Variants in LRRIQ1 observed in about 807,000 individuals in gnomAD.
LRRIQ1 encodes the protein leucine-rich repeat- and IQ domain-containing protein 1.
In LRRIQ1, 210 loss-of-function variants were observed where a neutral mutation model predicts 211.9. The observed-to-expected ratio is 0.99, with a 90% CI of 0.89 to 1.11. LRRIQ1 has a LOEUF of 1.11. Among genes scored for constraint, LRRIQ1 ranks in the 50% most tolerant of loss-of-function variants. LRRIQ1 has a pLI of 0.00. For missense variants in LRRIQ1, 2,136 were observed against 1,939.5 expected (o/e 1.10, Z -1.90); for synonymous variants, 699 against 650.1 (o/e 1.08, Z -1.14).
intron 24 of LRRIQ1, among the ~76,000 whole-genome samples, chr12:85,220,554 T>G (rs1894349082): frequency 6.6e-6 from 1 of 151,724 alleles, no homozygotes; most frequent in Admixed American, 6.6e-5. Flanking sequence ...ATTGAGTATA[T>G]TTCAAACATT....
chr12:85,063,095 TTA>T lies in LRRIQ1; in HGVS notation c.2392-2163_2392-2162del, dbSNP rs1289719849. ...TTAAGTTCCTTGTAGATGCTGCATA[TTA>T]TATGTTTGTCCGGTGCATAGTCTAC... On this transcript the variant is annotated intron_variant, in intron 8 of 26. Transcript: ENST00000393217. Among the ~76,000 whole-genome samples the T allele has an allele frequency of 2.6e-5, 4 of 151,932 alleles. No homozygotes were observed. The East Asian group carries it at 7.8e-4, about 30-fold the overall frequency.
In LRRIQ1 at chr12:85,055,813, G is replaced by A; in HGVS notation, c.1020G>A (p.Glu340=). 1 of 1,595,032 alleles carries A rather than the reference G, an allele frequency of 6.3e-7. No homozygotes were observed. Among genetic ancestry groups the A allele is most frequent in the Non-Finnish European group, 8.6e-7 (1 of 1,169,190 alleles). The change falls in exon 8 of 27, where the codon GAG becomes GAA. Residue 340 remains glutamate, a synonymous_variant. Transcript: ENST00000393217. ...QKEEENRKRL[E]EEQRIKEERK... The stretch of plus-strand genomic sequence containing the variant: ...AGGAAGAAAATCGAAAAAGATTAGA[G>A]GAGGAACAAAGGATAAAAGAAGAGA...
chr12:85,128,576 G>T (rs1888542957), intron 18 of LRRIQ1, among the ~76,000 whole-genome samples: 1 of 152,086 alleles, frequency 6.6e-6, no homozygotes, highest in Non-Finnish European at 1.5e-5. Context: ...CACTAGCCTG[G>T]ATATAGAGTG....
intron 11 of LRRIQ1, 144 bp downstream of exon 11, chr12:85,073,242 T>C (rs1239445602): frequency 1.1e-5 from 6 of 549,540 alleles, no homozygotes; most frequent in South Asian, 3.0e-5. Context: ...AAATAAGCTT[T>C]ATTTTGCAAA....
At chr12:85,172,460 T>G (rs1256206706) in intron 24 of LRRIQ1, among the ~76,000 whole-genome samples, 2 of 152,190 alleles carry the variant, frequency 1.3e-5, no homozygotes. Context: ...ACTCACTAGC[T>G]AAATACTCCA....
At chr12:85,121,598 C>A in intron 15 of LRRIQ1, 99 bp from the exon 16 acceptor site, 1 of 836,380 alleles carries the variant, frequency 1.2e-6, no homozygotes. Context: ...AGATATATAT[C>A]CTATGCTTGT....
At chr12:85,146,027 C>T (rs938681767) in intron 19 of LRRIQ1, among the ~76,000 whole-genome samples, 33 of 151,706 alleles carry the variant, frequency 2.2e-4, no homozygotes, top group African/African-American at 8.0e-4. Context: ...AGATTTGCCT[C>T]ATGGTTCATG....
At chr12:85,201,885 A>G (rs1421433143) in intron 24 of LRRIQ1, among the ~76,000 whole-genome samples, 2 of 151,928 alleles carry the variant, frequency 1.3e-5, no homozygotes, top group African/African-American at 2.4e-5. Context: ...ATAGGTTGTT[A>G]TAATAATTTC....
intron 26 of LRRIQ1, among the ~76,000 whole-genome samples, chr12:85,237,489 T>C (rs1895244517): frequency 6.6e-6 from 1 of 152,096 alleles, no homozygotes; most frequent in African/African-American, 2.4e-5. Flanking sequence ...TTTGGCCAAG[T>C]ACTAAGCTCT....
chr12:85,162,482 T>A (rs1890937145), intron 24 of LRRIQ1, among the ~76,000 whole-genome samples: 1 of 152,144 alleles, frequency 6.6e-6, no homozygotes, highest in Admixed American at 6.5e-5. Flanking sequence ...AAGCAGGGTG[T>A]TTTTATCCTT....
chr12:85,121,625 G>C, intron 15 of LRRIQ1, 72 bp from the exon 16 acceptor site: 1 of 1,116,486 alleles, frequency 9.0e-7, no homozygotes, highest in African/African-American at 1.6e-5. Flanking sequence ...TAAATGATTA[G>C]TATATGGTTA....
chr12:85,254,988 A>G (rs567476259), intron 1 of LRRIQ1, among the ~76,000 whole-genome samples: 6 of 152,026 alleles, frequency 3.9e-5, no homozygotes, highest in Admixed American at 3.9e-4. Context: ...TTGGAGTTAT[A>G]TGTACATATA....
At chr12:85,253,866 T>C (rs555613714) in intron 1 of LRRIQ1, among the ~76,000 whole-genome samples, 1 of 152,198 alleles carries the variant, frequency 6.6e-6, no homozygotes, top group Non-Finnish European at 1.5e-5. Flanking sequence ...TCTCCAAGCT[T>C]TCTGCCTTCT....
At chr12:85,178,151 T>C (rs535491116) in intron 24 of LRRIQ1, among the ~76,000 whole-genome samples, 1 of 152,254 alleles carries the variant, frequency 6.6e-6, no homozygotes, top group East Asian at 1.9e-4. Flanking sequence ...TTCCTTTTTA[T>C]GGCTAAAATT....
At chr12:85,208,838 A>G (rs1370960482) in intron 24 of LRRIQ1, among the ~76,000 whole-genome samples, 1 of 152,144 alleles carries the variant, frequency 6.6e-6, no homozygotes, top group African/African-American at 2.4e-5. Context: ...AATGTTATAA[A>G]CTTGACATTT....
At chr12:85,109,301 A>C (rs1353480417) in intron 15 of LRRIQ1, among the ~76,000 whole-genome samples, 1 of 152,142 alleles carries the variant, frequency 6.6e-6, no homozygotes, top group African/African-American at 2.4e-5. Context: ...TTGGTTAAGA[A>C]GGTAGAAGCA....
chr12:85,189,502 T>C (rs1043379678), intron 24 of LRRIQ1, among the ~76,000 whole-genome samples: 7 of 151,988 alleles, frequency 4.6e-5, no homozygotes, highest in Admixed American at 2.0e-4. Context: ...TGGGGAATTA[T>C]GAGAAATCTT....
intron 9 of LRRIQ1, 82 bp downstream of exon 9, chr12:85,065,496 T>G: frequency 2.6e-6 from 3 of 1,160,358 alleles, no homozygotes; most frequent in Non-Finnish European, 3.5e-6. Context: ...ATGACCCTTT[T>G]GAAGAAACAA....
downstream of LRRIQ1, among the ~76,000 whole-genome samples, chr12:85,267,815 CTT>C (rs538697088): frequency 1.9e-4 from 29 of 152,106 alleles, no homozygotes; most frequent in African/African-American, 6.7e-4. Flanking sequence ...GTTAAAAGAA[CTT>C]TTGTTTTTTT....
Sources: allele counts gnomAD v4.1 joint callset (sites outside exome capture counted in the v4.1 genomes callset), GRCh38; gene constraint gnomAD v4.1.1; transcripts MANE v1.5; gene names NCBI Gene and HGNC (gene_info 2026-07-23, HGNC 2026-07-21).